LCT: variants seen among roughly 807,000 people sequenced by gnomAD.
The protein encoded by LCT is lactase, also known as lactase/phlorizin hydrolase.
A neutral mutation model predicts 173.0 loss-of-function variants in LCT; 90 were observed. The observed-to-expected ratio is 0.52, with a 90% CI of 0.44 to 0.62. The LOEUF (loss-of-function observed/expected upper bound fraction) is 0.62, where lower values mean the gene tolerates loss of function less well. Ranked by LOEUF, LCT falls within the 20% of genes least tolerant of loss-of-function variation. The pLI, the probability that LCT is intolerant of heterozygous loss-of-function variation, is 0.00. For synonymous variants in LCT, 853 were observed against 957.6 expected (o/e 0.89, Z 2.02); for missense variants, 1,864 against 2,431.4 (o/e 0.77, Z 4.91).
intron 2 of LCT, 101 bp from the exon 3 acceptor site, chr2:135,829,777 C>A: frequency 1.3e-6 from 1 of 776,156 alleles, no homozygotes; most frequent in Non-Finnish European, 2.3e-6. Flanking sequence ...ATCACTAAAC[C>A]AAATATTCCA....
chr2:135,817,424 C>T lies in LCT; in HGVS notation c.1624G>A (p.Glu542Lys), dbSNP rs1318670341. The T allele has an allele frequency of 6.2e-7, 1 of 1,614,004 alleles. No individual in the cohort carries two copies. Among genetic ancestry groups the T allele is most frequent in the Non-Finnish European group, 8.5e-7 (1 of 1,180,038 alleles). Residue 542 changes from glutamate (E) to lysine (K), a missense_variant, in exon 6 of 17, where the codon GAG becomes AAG. Physicochemically the swap from Glu to Lys is moderately conservative, Grantham distance 56. Around this residue, in one of 4 missense-constraint regions of LCT, gnomAD observed 183 missense variants for 293.1 expected, o/e 0.62. Transcript: ENST00000264162. ...DRVKLWVTFH[E>K]PWVMSYAGYG... ...CCTGCGTAGCTCATCACCCACGGCTCATGGAAGGTCACCCACAGCTTCACA... is the reference window on the plus strand; with the variant it reads ...CCTGCGTAGCTCATCACCCACGGCTTATGGAAGGTCACCCACAGCTTCACA...
rs386833834 is a variant in LCT at position 135,804,812 on chromosome 2, G to A, written c.4419C>T (p.Tyr1473=). 31 of 1,613,592 alleles carry A rather than the reference G, an allele frequency of 1.9e-5. No homozygotes were observed. Among genetic ancestry groups the A allele is most frequent in the East Asian group, 4.5e-5 (2 of 44,900 alleles). The part of the protein sequence containing the change: ...RYINEAGLNY[Y]VRLIDTLLAA... ...CCAGCAGTGTATCGATGAGCCTCAC[G>A]TAGTAGTTCAGGCCCGCTTCATTGA... Residue 1473 remains tyrosine (Y), a synonymous_variant, in exon 10 of 17, where the codon TAC becomes TAT. Coordinates refer to ENST00000264162, the MANE Select transcript of LCT (RefSeq NM_002299.4).
At chr2:135,831,685 A>G (rs2077941516) in intron 2 of LCT, among the ~76,000 whole-genome samples, 1 of 152,140 alleles carries the variant, frequency 6.6e-6, no homozygotes, top group Non-Finnish European at 1.5e-5. Context: ...TCCCTCCAGA[A>G]CCTTATCAGT....
intron 3 of LCT, among the ~76,000 whole-genome samples, chr2:135,825,919 G>T (rs1181397950): frequency 2.0e-5 from 3 of 152,208 alleles, no homozygotes; most frequent in African/African-American, 4.8e-5. Flanking sequence ...CACGATTCAG[G>T]CTCCTGTGGA....
chr2:135,794,479 A>C, intron 14 of LCT, 162 bp downstream of exon 14: 1 of 743,724 alleles, frequency 1.3e-6, no homozygotes, highest in Admixed American at 2.1e-5. Flanking sequence ...TGCTTGCTGG[A>C]GATTTCCTTG....
rs1341673735 is a variant in LCT, at chr2:135,809,368, G to A, written c.2979C>T (p.Asn993=). 2 of 1,614,224 alleles carry A rather than the reference G, an allele frequency of 1.2e-6. No individual in the cohort carries two copies. Among genetic ancestry groups the A allele is most frequent in the Non-Finnish European group, 1.7e-6 (2 of 1,180,046 alleles). ...TGTTGTAATAATCAACCCCATGACTGTTGATAGAGCTGTTTCTCCCAGTTG... is the reference window on the plus strand; with the variant it reads ...TGTTGTAATAATCAACCCCATGACTATTGATAGAGCTGTTTCTCCCAGTTG... ...IFPTGRNSSI[N]SHGVDYYNRL... The change falls in exon 8 of 17, where the codon AAC becomes AAT. Residue 993 remains asparagine, a synonymous_variant. Transcript: ENST00000264162. This position sits in a 1 kb window ranked among gnomAD's most constrained non-coding sequence, Gnocchi z 5.5.
Position 135,812,450 on chromosome 2 carries a change from A to AAACTGC in LCT, c.2208_2213dup (p.Leu736_Gln737dup). 1 of 1,614,240 alleles carries AAACTGC rather than the reference A, an allele frequency of 6.2e-7. No individual in the cohort carries two copies. The highest frequency in any genetic ancestry group is 8.5e-7 in the Non-Finnish European group (1 of 1,180,038). On this transcript the variant is annotated inframe_insertion, in exon 7 of 17. Transcript: ENST00000264162. ...TTCCTCTTGTGTATTCCAGGGATACAAACTGCAACAGCCTCCTTATCCCCC... is the reference window on the plus strand; with the variant it reads ...TTCCTCTTGTGTATTCCAGGGATACAAACTGCAACTGCAACAGCCTCCTTATCCCCC...
intron 11 of LCT, among the ~76,000 whole-genome samples, chr2:135,801,139 C>T (rs973716336): frequency 3.3e-5 from 5 of 152,122 alleles, no homozygotes; most frequent in Non-Finnish European, 7.4e-5. Context: ...GCTTCTGTTC[C>T]CCTCCTCCAG....
At chr2:135,821,245 A>T (rs748912221) in intron 5 of LCT, among the ~76,000 whole-genome samples, 3 of 152,164 alleles carry the variant, frequency 2.0e-5, no homozygotes, top group Non-Finnish European at 4.4e-5. Context: ...TCAGTAAGAT[A>T]TTATTTACAA....
At chr2:135,793,322 A>G (rs879816897) in intron 14 of LCT, among the ~76,000 whole-genome samples, 2 of 152,218 alleles carry the variant, frequency 1.3e-5, no homozygotes, top group Admixed American at 6.5e-5. Context: ...CCTCAGCACC[A>G]GTTCAGATCC....
intron 6 of LCT, among the ~76,000 whole-genome samples, chr2:135,815,910 G>C (rs953725802): frequency 2.0e-5 from 3 of 152,004 alleles, no homozygotes; most frequent in Non-Finnish European, 4.4e-5. Context: ...TGTTGGCCAG[G>C]CTGGTCTTGA....
intron 6 of LCT, among the ~76,000 whole-genome samples, chr2:135,816,426 G>A (rs1019437830): frequency 1.3e-5 from 2 of 152,122 alleles, no homozygotes; most frequent in African/African-American, 2.4e-5. Context: ...GAAAAGAGCC[G>A]AGCTTTTTTC....
At chr2:135,827,684 G>C (rs926110344) in intron 3 of LCT, among the ~76,000 whole-genome samples, 8 of 152,322 alleles carry the variant, frequency 5.3e-5, no homozygotes, top group African/African-American at 1.9e-4. Flanking sequence ...GTTCACAATA[G>C]GGTTTGTGCT....
At position 135,811,249 on chromosome 2, in the gene LCT, T is replaced by C. The variant is rs186599972; in HGVS notation, c.2353+1062A>G. Among the ~76,000 whole-genome samples, 220 of 152,228 alleles carry C rather than the reference T, an allele frequency of 1.4e-3. 1 individual carries two copies. Among genetic ancestry groups the C allele is most frequent in the African/African-American group, 3.2e-3 (135 of 41,542 alleles). On this transcript the variant is annotated intron_variant, in intron 7 of 16. Transcript: ENST00000264162. ...AATAAAGCCTAAAACATATATTCCC[T>C]GATACAGTGCATTGAATGGTGACCC...
rs1313368773 is a variant in LCT, at chr2:135,788,148, T to G, written c.*176A>C. Reference sequence around the variant, plus strand: ...TGATACTGGAGCAAGATGGAGATATTTCCATTTTACTCAGCAAGTCGAAAT... The same window carrying G: ...TGATACTGGAGCAAGATGGAGATATGTCCATTTTACTCAGCAAGTCGAAAT... On this transcript the variant is annotated 3_prime_UTR_variant, in exon 17 of 17. Coordinates refer to ENST00000264162, the MANE Select transcript of LCT (RefSeq NM_002299.4). The G allele has an allele frequency of 1.5e-6, 1 of 661,714 alleles. No homozygotes were observed. Among genetic ancestry groups the G allele is most frequent in the Non-Finnish European group, 2.7e-6 (1 of 371,758 alleles). The allele number at this position is 661,714 out of a possible 1,614,324, so 41.0% of individuals were successfully genotyped here.
chr2:135,818,642 AGACT>A (rs1373223806), intron 5 of LCT, among the ~76,000 whole-genome samples: 1 of 152,198 alleles, frequency 6.6e-6, no homozygotes, highest in Non-Finnish European at 1.5e-5. Flanking sequence ...GTTCGAGACC[AGACT>A]GACCAACATG....
In LCT at chr2:135,789,642, T is replaced by C. The variant is rs751085253; in HGVS notation, c.5492A>G (p.Tyr1831Cys). The part of the protein sequence containing the change: ...PRIPKASAKF[Y>C]ASVVRCNGFP... The stretch of plus-strand genomic sequence containing the variant: ...GCCATTGCATCGGACCACAGAGGCG[T>C]AGAACTTCGCTGATGCTTTGGGGAT... The change falls in exon 16 of 17, where the codon TAC becomes TGC. Residue 1831 changes from tyrosine to cysteine, a missense_variant. By Grantham distance (194) the Tyr-to-Cys change is radical. Coordinates refer to ENST00000264162, the MANE Select transcript of LCT (RefSeq NM_002299.4). 1.2e-6 allele frequency: 2 copies of C among 1,614,070 alleles called. No individual in the cohort carries two copies. Among genetic ancestry groups the C allele is most frequent in the South Asian group, 1.1e-5 (1 of 91,070 alleles).
Position 135,808,801 on chromosome 2 carries a change from G to A in LCT, c.3546C>T (p.Ala1182=), listed in dbSNP as rs752504174. The change falls in exon 8 of 17, where the codon GCC becomes GCT. Residue 1182 remains alanine, a synonymous_variant. Coordinates refer to ENST00000264162, the MANE Select transcript of LCT (RefSeq NM_002299.4). ...VGNRSELQHL[A]TSRLPSFTEE... is the part of the protein sequence containing the mutation. ...CAGTGAAGCTTGGCAGGCGGGAGGT[G>A]GCTAAGTGCTGCAGTTCACTCCTGT... 15 of 1,613,652 alleles carry A rather than the reference G, an allele frequency of 9.3e-6. No individual in the cohort carries two copies. In the South Asian group the frequency reaches 1.5e-4, roughly 17 times the overall value.
chr2:135,822,239 C>A, intron 4 of LCT, 141 bp from the exon 5 acceptor site: 1 of 671,754 alleles, frequency 1.5e-6, no homozygotes, highest in South Asian at 1.6e-5. Flanking sequence ...ATACCATGGG[C>A]TAACGACTTT....
Sources: allele counts gnomAD v4.1 joint callset (sites outside exome capture counted in the v4.1 genomes callset), GRCh38; gene constraint gnomAD v4.1.1; regional missense constraint gnomAD v4.1.1; non-coding constraint Gnocchi (gnomAD v3.1); transcripts MANE v1.5; gene names NCBI Gene and HGNC (gene_info 2026-07-23, HGNC 2026-07-21).